The following CHODL variants were observed in gnomAD, a reference collection of about 807,000 sequenced individuals.
CHODL encodes the protein chondrolectin.
Under a neutral mutation model 34.5 loss-of-function variants are expected in CHODL, and 29 were observed. That is an observed-to-expected ratio of 0.84 (90% CI 0.63 to 1.15). The LOEUF is 1.15. CHODL is among the 50% of genes most tolerant of loss of function. The pLI, the probability that CHODL is intolerant of heterozygous loss-of-function variation, is 0.00. For missense variants in CHODL, 332 were observed against 332.5 expected, an observed-to-expected ratio of 1.00 and a Z score of 0.01; for synonymous variants, 125 against 116.1, an observed-to-expected ratio of 1.08 and a Z score of -0.49.
rs74809276 is a variant in CHODL, at chr21:18,184,300, G to C, written c.-44-72209G>C. Reference sequence around the variant, plus strand: ...AATACATATCTGTAATTTTGAAAATGTTTGAAAAATATTGACCTTATGTTT... The same window carrying C: ...AATACATATCTGTAATTTTGAAAATCTTTGAAAAATATTGACCTTATGTTT... On this transcript the variant is annotated intron_variant, in intron 2 of 6. Transcript: ENST00000400127. Among the ~76,000 whole-genome samples, 369 of 152,226 alleles carry C rather than the reference G, an allele frequency of 2.4e-3. 3 individuals are homozygous for C. Among genetic ancestry groups the C allele is most frequent in the East Asian group, 8.5e-3 (44 of 5,186 alleles).
intron 1 of CHODL, among the ~76,000 whole-genome samples, chr21:17,919,819 C>T (rs1206758333): frequency 6.6e-6 from 1 of 152,162 alleles, no homozygotes; most frequent in Non-Finnish European, 1.5e-5. Flanking sequence ...TTTAACAGCA[C>T]CCAAGTCACC....
rs559996482 is a variant in CHODL at position 17,986,572 on chromosome 21, C to T, written c.-144-41300C>T. Among the ~76,000 whole-genome samples, 31 of 152,304 alleles carry T rather than the reference C, an allele frequency of 2.0e-4. 1 individual carries two copies. The South Asian group carries it at 6.4e-3, about 32-fold the overall frequency. On this transcript the variant is annotated intron_variant, in intron 1 of 6. Coordinates refer to the CHODL transcript ENST00000400127. ...CTTAATCCAGTCTGTCATGGACGGA[C>T]ATTTGGGTTGGTTCCAAGTCTTTGC...
intron 2 of CHODL, among the ~76,000 whole-genome samples, chr21:18,156,256 T>C (rs987069396): frequency 6.6e-6 from 1 of 152,204 alleles, no homozygotes; most frequent in Non-Finnish European, 1.5e-5. Context: ...CAGTTGAAAA[T>C]TAGCATTGGC....
At chr21:18,051,349 T>A (rs1228126813) in intron 2 of CHODL, among the ~76,000 whole-genome samples, 1 of 151,974 alleles carries the variant, frequency 6.6e-6, no homozygotes, top group Non-Finnish European at 1.5e-5. Flanking sequence ...TTTGGGTTGG[T>A]TCCAAGTCTT....
At chr21:18,003,252 C>G (rs1295687075) in intron 1 of CHODL, among the ~76,000 whole-genome samples, 1 of 151,586 alleles carries the variant, frequency 6.6e-6, no homozygotes, top group Non-Finnish European at 1.5e-5. Context: ...CAGTACATGT[C>G]AAACTTTCCC....
At chr21:18,005,043 A>G (rs576987671) in intron 1 of CHODL, among the ~76,000 whole-genome samples, 11 of 152,274 alleles carry the variant, frequency 7.2e-5, no homozygotes, top group Admixed American at 7.2e-4. Context: ...TATTATCCCC[A>G]TTTTACAGAT....
rs1301942856 is a variant in CHODL at position 18,124,805 on chromosome 21, T to A, written c.-45+96834T>A. Among the ~76,000 whole-genome samples, 4 of 152,246 alleles carry A rather than the reference T, an allele frequency of 2.6e-5. No homozygotes were observed. In the East Asian group the frequency reaches 7.7e-4, roughly 29 times the overall value. On this transcript the variant is annotated intron_variant, in intron 2 of 6. Coordinates refer to the CHODL transcript ENST00000400127. ...CAATAGCTGGTATTTACTAAGCACT[T>A]ACTATATCCGGTGATTTCCATGCAT...
At chr21:18,148,768 G>T (rs2146622847) in intron 2 of CHODL, among the ~76,000 whole-genome samples, 1 of 149,614 alleles carries the variant, frequency 6.7e-6, no homozygotes, top group Admixed American at 6.6e-5. Context: ...GCTGATATAA[G>T]AAATCTTTCT....
intron 2 of CHODL, among the ~76,000 whole-genome samples, chr21:18,058,070 T>C (rs2064606949): frequency 6.6e-6 from 1 of 152,144 alleles, no homozygotes; most frequent in African/African-American, 2.4e-5. Flanking sequence ...CTAGAACTTA[T>C]TCCTCCTATC....
At chr21:18,251,546 T>TATTAAA (rs1555886300) in intron 1 of CHODL, among the ~76,000 whole-genome samples, 4 of 1,034 alleles carry the variant, frequency 3.9e-3, no homozygotes, top group African/African-American at 5.8e-3. Context: ...TATTTTAATA[T>TATTAAA]ATAAATATTT....
At chr21:18,054,257 G>A (rs1230212860) in intron 2 of CHODL, among the ~76,000 whole-genome samples, 3 of 151,960 alleles carry the variant, frequency 2.0e-5, no homozygotes, top group Non-Finnish European at 4.4e-5. Context: ...TAACTGATGT[G>A]TGATAGAGAA....
At chr21:18,123,189 C>T (rs2065501580) in intron 2 of CHODL, among the ~76,000 whole-genome samples, 1 of 152,186 alleles carries the variant, frequency 6.6e-6, no homozygotes, top group African/African-American at 2.4e-5. Context: ...TATCCTCAGG[C>T]ACATACCCTC....
chr21:18,101,900 AT>A, intron 2 of CHODL, among the ~76,000 whole-genome samples: 1 of 152,236 alleles, frequency 6.6e-6, no homozygotes, highest in South Asian at 2.1e-4. Flanking sequence ...AAAAGTATAT[AT>A]TTCACTGAGG....
chr21:18,094,192 A>C (rs1308896630), intron 2 of CHODL, among the ~76,000 whole-genome samples: 2 of 152,176 alleles, frequency 1.3e-5, no homozygotes, highest in East Asian at 3.8e-4. Flanking sequence ...ATATATATGC[A>C]CCAAACACTG....
At chr21:18,256,466 A>T in intron 1 of CHODL, 43 bp from the exon 2 acceptor site, 2 of 1,515,224 alleles carry the variant, frequency 1.3e-6, no homozygotes, top group Non-Finnish European at 1.8e-6. Context: ...TTACAAATAG[A>T]GTTCCGATTA....
At chr21:18,097,530 A>G (rs1484204160) in intron 2 of CHODL, among the ~76,000 whole-genome samples, 1 of 152,122 alleles carries the variant, frequency 6.6e-6, no homozygotes, top group Non-Finnish European at 1.5e-5. Context: ...AAAGATCTTT[A>G]CAAATGAAAC....
intron 2 of CHODL, among the ~76,000 whole-genome samples, chr21:18,224,722 A>G (rs1381090534): frequency 6.6e-6 from 1 of 152,170 alleles, no homozygotes; most frequent in Non-Finnish European, 1.5e-5. Flanking sequence ...TTTTAAACAT[A>G]AATTGTTTTT....
chr21:18,142,277 T>C (rs2072812964), intron 2 of CHODL, among the ~76,000 whole-genome samples: 1 of 152,252 alleles, frequency 6.6e-6, no homozygotes, highest in Non-Finnish European at 1.5e-5. Context: ...TGTTCTCTTC[T>C]GTGGGCGGAA....
chr21:18,190,291 C>T (rs2073495787), intron 2 of CHODL, among the ~76,000 whole-genome samples: 1 of 152,140 alleles, frequency 6.6e-6, no homozygotes, highest in African/African-American at 2.4e-5. Flanking sequence ...AGGGAAACAA[C>T]ACAAATCCTT....
Sources: allele counts gnomAD v4.1 joint callset (sites outside exome capture counted in the v4.1 genomes callset), GRCh38; gene constraint gnomAD v4.1.1; transcripts MANE v1.5; gene names NCBI Gene and HGNC (gene_info 2026-07-23, HGNC 2026-07-21).